NHSL1: variants seen among roughly 807,000 people sequenced by gnomAD.
NHSL1 encodes the protein NHS-like protein 1.
A neutral mutation model predicts 95.0 loss-of-function variants in NHSL1; 48 were observed. The observed-to-expected ratio is 0.51, with a 90% confidence interval of 0.40 to 0.64. NHSL1 has a LOEUF of 0.64. Ranked by LOEUF, NHSL1 falls within the 30% of genes least tolerant of loss-of-function variation. NHSL1 has a pLI of 0.00. For missense variants in NHSL1, 1,971 were observed against 2,077.7 expected (o/e 0.95, Z 1.00); for synonymous variants, 783 against 833.9 (o/e 0.94, Z 1.05).
upstream of NHSL1, among the ~76,000 whole-genome samples, chr6:138,546,573 C>T (rs141064060): frequency 4.3e-3 from 649 of 152,026 alleles, 5 homozygotes; most frequent in African/African-American, 0.015. Context: ...CACACCACTG[C>T]ACTCCAGCCC....
chr6:138,432,361 T>C lies in NHSL1; in HGVS notation c.1984A>G (p.Asn662Asp). 1 of 1,551,826 alleles carries C rather than the reference T, an allele frequency of 6.4e-7. No individual in the cohort carries two copies. The highest frequency in any genetic ancestry group is 8.7e-7 in the Non-Finnish European group (1 of 1,147,012). Residue 662 changes from asparagine to aspartate, a missense_variant, in exon 6 of 8, where the codon AAC (asparagine) becomes GAC (aspartate). Asn to Asp is a conservative substitution (Grantham distance 23). This residue lies in a region of NHSL1 where 1,602 missense variants were observed against 1,654.5 expected (regional missense o/e 0.97). Transcript: ENST00000343505. The surrounding 1 kb of genome is among the most constrained non-coding windows in gnomAD (Gnocchi z 4.4). ...SNYQDKSLSR[N>D]ISLKKAKKPP... is the part of the protein sequence containing the mutation. ...TTCTTTGCTTTCTTCAAAGAGATGTTTCTTGATAGGGATTTATCCTGGTAA... is the reference window on the plus strand; with the variant it reads ...TTCTTTGCTTTCTTCAAAGAGATGTCTCTTGATAGGGATTTATCCTGGTAA...
At chr6:138,472,670 T>G (rs1057411373) in intron 3 of NHSL1, among the ~76,000 whole-genome samples, 2 of 152,260 alleles carry the variant, frequency 1.3e-5, no homozygotes, top group Non-Finnish European at 2.9e-5. Flanking sequence ...AATCTTCATA[T>G]ATTTTTACTC....
At chr6:138,473,233 C>T (rs1301911323) in intron 3 of NHSL1, 73 bp downstream of exon 3, 10 of 1,232,358 alleles carry the variant, frequency 8.1e-6, no homozygotes, top group Non-Finnish European at 1.0e-5. Context: ...TTGATTTTAC[C>T]AGTTTGTCCA....
chr6:138,458,458 A>G (rs1583214182), intron 3 of NHSL1, among the ~76,000 whole-genome samples: 2 of 152,268 alleles, frequency 1.3e-5, no homozygotes, highest in South Asian at 4.2e-4. Context: ...TTGGGAGGCC[A>G]AGGTAGGTGG....
intron 1 of NHSL1, among the ~76,000 whole-genome samples, chr6:138,630,655 G>C (rs1324488200): frequency 6.6e-6 from 1 of 152,176 alleles, no homozygotes; most frequent in Non-Finnish European, 1.5e-5. Flanking sequence ...AAAATGCTGG[G>C]ATTACAGGCG....
intron 3 of NHSL1, among the ~76,000 whole-genome samples, chr6:138,459,032 T>C (rs1299759806): frequency 6.6e-6 from 1 of 152,188 alleles, no homozygotes; most frequent in East Asian, 1.9e-4. Flanking sequence ...AGTCTTGCTC[T>C]GTCACCCAGG....
chr6:138,568,961 C>G (rs555956044), intron 1 of NHSL1, among the ~76,000 whole-genome samples: 1 of 152,202 alleles, frequency 6.6e-6, no homozygotes, highest in South Asian at 2.1e-4. Context: ...TATTAAAAGA[C>G]CTTCTGTTTC....
intron 3 of NHSL1, among the ~76,000 whole-genome samples, chr6:138,464,803 C>T (rs546375916): frequency 2.0e-5 from 3 of 147,716 alleles, no homozygotes; most frequent in Non-Finnish European, 3.0e-5. Flanking sequence ...ACCTCTGCCT[C>T]GCAGGTTCAA....
intron 3 of NHSL1, 141 bp from the exon 4 acceptor site, chr6:138,447,334 G>A: frequency 1.5e-6 from 1 of 675,416 alleles, no homozygotes; most frequent in Non-Finnish European, 2.4e-6. Context: ...CAGAAGCAAT[G>A]GTTTGCTCAG....
chr6:138,473,210 T>C, intron 3 of NHSL1, 96 bp downstream of exon 3: 1 of 1,098,032 alleles, frequency 9.1e-7, no homozygotes. Context: ...TTGATTAAAA[T>C]ACAGGCTCAA....
chr6:138,541,795 G>A (rs1562359566), intron 1 of NHSL1, among the ~76,000 whole-genome samples: 1 of 152,176 alleles, frequency 6.6e-6, no homozygotes, highest in Non-Finnish European at 1.5e-5. Context: ...TAATGGGTAT[G>A]TACATTTTCA....
intron 2 of NHSL1, among the ~76,000 whole-genome samples, chr6:138,492,644 A>G (rs1449860606): frequency 1.3e-5 from 2 of 152,200 alleles, no homozygotes; most frequent in Non-Finnish European, 2.9e-5. Context: ...TTTAAAATGT[A>G]TATGTTTACA....
rs566817477 is a variant in NHSL1 at position 138,424,228 on chromosome 6, C to T, written c.4674G>A (p.Glu1558=). The T allele has an allele frequency of 3.5e-5, 53 of 1,506,712 alleles. No individual in the cohort carries two copies. Among genetic ancestry groups the T allele is most frequent in the Admixed American group, 8.9e-5 (4 of 44,938 alleles). The allele number at this position is 1,506,712 out of a possible 1,614,324, so 93.3% of individuals were successfully genotyped here. Residue 1558 remains glutamate, a synonymous_variant, in exon 8 of 8, where the codon GAG becomes GAA. Transcript: ENST00000343505. The surrounding 1 kb of genome is among the most constrained non-coding windows in gnomAD (Gnocchi z 5.9). The stretch of plus-strand genomic sequence containing the variant: ...AGAGCAGGCCGCCCTCGTCCATCTC[C>T]TCCCTCGCCAGTCCGTCCAGGGAAC... ...EGCSLDGLAR[E]EMDEGGLLCG...
chr6:138,555,713 T>A (rs2128336436), intron 1 of NHSL1, among the ~76,000 whole-genome samples: 1 of 152,340 alleles, frequency 6.6e-6, no homozygotes, highest in African/African-American at 2.4e-5. Flanking sequence ...CTTAGAAAAC[T>A]TTCTGTGTGA....
At chr6:138,686,415 C>T (rs73570708) in intron 1 of NHSL1, among the ~76,000 whole-genome samples, 6 of 151,886 alleles carry the variant, frequency 4.0e-5, no homozygotes, top group African/African-American at 9.7e-5. Context: ...AGGCTACTAG[C>T]GAGGCTGAGG....
intron 3 of NHSL1, among the ~76,000 whole-genome samples, chr6:138,466,796 AT>A: frequency 6.6e-6 from 1 of 152,254 alleles, no homozygotes; most frequent in Admixed American, 6.5e-5. Flanking sequence ...ACATATAAAA[AT>A]ATGAGGCCCG....
intron 2 of NHSL1, among the ~76,000 whole-genome samples, chr6:138,476,404 C>T (rs1292333397): frequency 6.6e-6 from 1 of 152,170 alleles, no homozygotes; most frequent in East Asian, 1.9e-4. Context: ...AACAGAAAAT[C>T]AAATAGTGCA....
intron 1 of NHSL1, among the ~76,000 whole-genome samples, chr6:138,538,801 C>T (rs568580160): frequency 1.7e-3 from 255 of 152,330 alleles, no homozygotes; most frequent in Non-Finnish European, 3.1e-3. Flanking sequence ...GAAAACTATT[C>T]TGTGTATATA....
intron 1 of NHSL1, among the ~76,000 whole-genome samples, chr6:138,520,324 C>T (rs577664657): frequency 8.5e-6 from 1 of 118,114 alleles, no homozygotes; most frequent in East Asian, 2.8e-4. Flanking sequence ...GAGTCCCGCT[C>T]TGTCACCAGG....
Sources: gnomAD v4.1 joint callset for allele counts (sites outside exome capture counted in the v4.1 genomes callset) on GRCh38, gnomAD v4.1.1 for gene constraint, gnomAD v4.1.1 regional missense constraint, Gnocchi (gnomAD v3.1) non-coding constraint, MANE v1.5 for transcripts, NCBI Gene and HGNC (gene_info 2026-07-23, HGNC 2026-07-21) for gene names.